Variants in FAM222A observed in about 807,000 individuals in gnomAD.
The protein encoded by FAM222A is protein FAM222A.
In FAM222A, 7 loss-of-function variants were observed where a neutral mutation model predicts 25.8. The ratio of observed to expected loss-of-function variants is 0.27; its 90% confidence interval spans 0.15 to 0.51. FAM222A has a LOEUF of 0.51. FAM222A is among the 20% of genes least tolerant of loss of function. FAM222A has a pLI of 0.97. For missense variants in FAM222A, 573 were observed against 640.5 expected, an observed-to-expected ratio of 0.89 and a Z score of 1.14; for synonymous variants, 294 against 298.8, an observed-to-expected ratio of 0.98 and a Z score of 0.17.
At chr12:109,721,009 A>T (rs990503396) in intron 1 of FAM222A, among the ~76,000 whole-genome samples, 8 of 152,164 alleles carry the variant, frequency 5.3e-5, no homozygotes, top group Non-Finnish European at 1.5e-5. Flanking sequence ...GTAATTGAAT[A>T]CTTTTGCCTA....
chr12:109,752,309 C>T lies in FAM222A; in HGVS notation c.82+8081C>T, dbSNP rs569413014. Among the ~76,000 whole-genome samples the T allele has an allele frequency of 3.9e-4, 60 of 152,376 alleles. 2 individuals are homozygous for T. Among genetic ancestry groups the T allele is most frequent in the Admixed American group, 3.5e-3 (53 of 15,306 alleles). On this transcript the variant is annotated intron_variant, in intron 2 of 2. Coordinates refer to ENST00000538780, the MANE Select transcript of FAM222A (RefSeq NM_032829.3). ...TTATTGGAAAAGACAGTGACTCTGC[C>T]TGTAATTGAAGAGCACAGGAAACAG...
In FAM222A at chr12:109,768,292, C is replaced by A. The variant is rs200236100; in HGVS notation, c.363C>A (p.Pro121=). ...SSSSTAAPAG[P]AKSVLKSAEG... ...CCAGCACGGCCGCACCAGCTGGGCC[C>A]GCCAAAAGTGTGCTCAAGAGCGCCG... Residue 121 remains proline, a synonymous_variant, in exon 3 of 3, where the codon CCC becomes CCA. Coordinates refer to ENST00000538780, the MANE Select transcript of FAM222A (RefSeq NM_032829.3). The A allele has an allele frequency of 6.2e-7, 1 of 1,607,330 alleles. No individual in the cohort carries two copies. Among genetic ancestry groups the A allele is most frequent in the East Asian group, 2.2e-5 (1 of 44,500 alleles).
At chr12:109,749,653 T>C (rs1405934893) in intron 2 of FAM222A, among the ~76,000 whole-genome samples, 2 of 152,218 alleles carry the variant, frequency 1.3e-5, no homozygotes, top group East Asian at 3.8e-4. Flanking sequence ...CTTACTTACC[T>C]GTCATGAATA....
intron 1 of FAM222A, chr12:109,720,008 G>A: frequency 2.5e-6 from 2 of 789,882 alleles, no homozygotes; most frequent in Non-Finnish European, 3.1e-6. Flanking sequence ...GTTTCCTCTT[G>A]TTCAGGAGAG....
chr12:109,769,282 C>T lies in FAM222A; in HGVS notation c.1353C>T (p.Tyr451=), dbSNP rs1292138943. The part of the protein sequence containing the change: ...HQHAHIRLPV[Y]R ...ATGCCCACATCCGCCTACCCGTCTA[C>T]AGATAAGGCCTGCCCTGCGGACATA... Residue 451 remains tyrosine, a synonymous_variant, in exon 3 of 3, where the codon TAC becomes TAT. Transcript: ENST00000538780. The T allele has an allele frequency of 6.2e-7, 1 of 1,608,408 alleles. No homozygotes were observed. The highest frequency in any genetic ancestry group is 8.5e-7 in the Non-Finnish European group (1 of 1,178,132).
At chr12:109,718,714 G>A (rs1189732685) in intron 1 of FAM222A, among the ~76,000 whole-genome samples, 1 of 152,160 alleles carries the variant, frequency 6.6e-6, no homozygotes, top group Non-Finnish European at 1.5e-5. Flanking sequence ...GGCGCCGCCC[G>A]CCGCCCTGAT....
At position 109,768,830 on chromosome 12, in the gene FAM222A, C is replaced by A; in HGVS notation, c.901C>A (p.Arg301Ser). The A allele has an allele frequency of 1.3e-6, 2 of 1,578,724 alleles. No individual in the cohort carries two copies. Among genetic ancestry groups the A allele is most frequent in the South Asian group, 2.3e-5 (2 of 87,790 alleles). The stretch of plus-strand genomic sequence containing the variant: ...GCCCCCACCGCCGCCCCAGCCACTG[C>A]GTGCCTACAGTGGGAGCACGGTGGC... ...KPPPPPPQPL[R>S]AYSGSTVASK... The change falls in exon 3 of 3, where the codon CGT becomes AGT. Residue 301 changes from arginine to serine, a missense_variant. Physicochemically the swap from Arg to Ser is moderately radical, Grantham distance 110. Around this residue, in one of 3 missense-constraint regions of FAM222A, gnomAD observed 412 missense variants for 407.0 expected, o/e 1.01. Transcript: ENST00000538780.
chr12:109,725,885 C>G (rs913424681), intron 1 of FAM222A, among the ~76,000 whole-genome samples: 1 of 151,928 alleles, frequency 6.6e-6, no homozygotes, highest in Non-Finnish European at 1.5e-5. Context: ...AAGGGAAACT[C>G]CACAGTGTTC....
intron 2 of FAM222A, among the ~76,000 whole-genome samples, chr12:109,766,009 G>A (rs1402029609): frequency 6.6e-6 from 1 of 152,216 alleles, no homozygotes; most frequent in Non-Finnish European, 1.5e-5. Context: ...AGGAAGCAGA[G>A]GCCGAGTGGT....
chr12:109,739,237 G>A (rs1166605841), intron 1 of FAM222A, among the ~76,000 whole-genome samples: 2 of 152,238 alleles, frequency 1.3e-5, no homozygotes, highest in Admixed American at 1.3e-4. Flanking sequence ...CCTGGCAAGG[G>A]GCAGACTGCT....
intron 1 of FAM222A, among the ~76,000 whole-genome samples, chr12:109,718,131 T>C (rs1566182365): frequency 2.6e-5 from 4 of 152,244 alleles, no homozygotes. Flanking sequence ...GCACACAGTA[T>C]ACAGTAAGCA....
chr12:109,713,997 G>A lies in FAM222A; in HGVS notation c.-947G>A, dbSNP rs1375347615. 1.4e-5 allele frequency among the ~76,000 whole-genome samples: 2 copies of A among 146,868 alleles called. No homozygotes were observed. Among genetic ancestry groups the A allele is most frequent in the African/African-American group, 2.4e-5 (1 of 40,846 alleles). On this transcript the variant is annotated 5_prime_UTR_variant, in exon 1 of 3. Transcript: ENST00000538780. Reference sequence around the variant, plus strand: ...GCCGGCGCGCGCCAGACGGCGCGAGGCTGCGGCCCCGGGAGCCCCCGCGCG... The same window carrying A: ...GCCGGCGCGCGCCAGACGGCGCGAGACTGCGGCCCCGGGAGCCCCCGCGCG...
chr12:109,734,210 A>T (rs76361705), intron 1 of FAM222A: 1 of 147,112 alleles, frequency 6.8e-6, no homozygotes, highest in Non-Finnish European at 1.5e-5. Context: ...CCTGTCTCCA[A>T]AAAAAAAAAA....
At chr12:109,726,534 G>A (rs370133491) in intron 1 of FAM222A, among the ~76,000 whole-genome samples, 12 of 152,212 alleles carry the variant, frequency 7.9e-5, no homozygotes, top group South Asian at 4.1e-4. Flanking sequence ...GGCAGCCATG[G>A]GGCTGAAAGA....
intron 2 of FAM222A, among the ~76,000 whole-genome samples, chr12:109,746,237 C>T (rs1407198470): frequency 6.6e-6 from 1 of 152,134 alleles, no homozygotes; most frequent in African/African-American, 2.4e-5. Flanking sequence ...GCCTGTAATC[C>T]TATCACTTTG....
intron 1 of FAM222A, among the ~76,000 whole-genome samples, chr12:109,740,480 AG>A (rs1269419133): frequency 6.6e-6 from 1 of 152,106 alleles, no homozygotes; most frequent in Non-Finnish European, 1.5e-5. Context: ...GTGCTTGGCC[AG>A]GGGGGTAATG....
intron 2 of FAM222A, among the ~76,000 whole-genome samples, chr12:109,758,169 A>G (rs1888788496): frequency 6.6e-6 from 1 of 152,138 alleles, no homozygotes; most frequent in African/African-American, 2.4e-5. Context: ...GTGTCCCTGA[A>G]TGTCTGGGCA....
In FAM222A at chr12:109,743,121, G is replaced by A. The variant is rs185405373; in HGVS notation, c.-46-980G>A. Among the ~76,000 whole-genome samples, 299 of 152,222 alleles carry A rather than the reference G, an allele frequency of 2.0e-3. 4 individuals are homozygous for A. Among genetic ancestry groups the A allele is most frequent in the Non-Finnish European group, 9.6e-4 (65 of 68,016 alleles). On this transcript the variant is annotated intron_variant, in intron 1 of 2. Transcript: ENST00000538780. ...GAAGATGGACATCAGGGGTGTCCGG[G>A]GTTGAGCTCACCCTGAGACCTGCCT...
chr12:109,728,180 G>T (rs1371407227), intron 1 of FAM222A, among the ~76,000 whole-genome samples: 1 of 152,192 alleles, frequency 6.6e-6, no homozygotes, highest in African/African-American at 2.4e-5. Flanking sequence ...AAGAATATGA[G>T]CTACAGCAGT....
Sources: allele counts gnomAD v4.1 joint callset (sites outside exome capture counted in the v4.1 genomes callset), GRCh38; gene constraint gnomAD v4.1.1; regional missense constraint gnomAD v4.1.1; transcripts MANE v1.5; gene names NCBI Gene and HGNC (gene_info 2026-07-23, HGNC 2026-07-21).